Variants in TG observed in about 807,000 individuals in gnomAD.
The protein encoded by TG is thyroid hormones.
A neutral mutation model predicts 324.7 loss-of-function variants in TG; 270 were observed. The observed-to-expected ratio is 0.83, with a 90% CI of 0.75 to 0.92. TG has a LOEUF of 0.92. TG is among the 40% of genes least tolerant of loss of function. The pLI, the probability that TG is intolerant of heterozygous loss-of-function variation, is 0.00. For missense variants in TG, 3,591 were observed against 3,456.4 expected (o/e 1.04, Z -0.98); for synonymous variants, 1,401 against 1,327.0 (o/e 1.06, Z -1.21).
chr8:132,970,353 G>A (rs1458174286), intron 32 of TG, among the ~76,000 whole-genome samples: 1 of 152,056 alleles, frequency 6.6e-6, no homozygotes, highest in African/African-American at 2.4e-5. Flanking sequence ...GAATTCTAAT[G>A]GGTGAGATCC....
intron 34 of TG, among the ~76,000 whole-genome samples, chr8:132,980,758 AG>A (rs1214330654): frequency 3.3e-5 from 5 of 152,110 alleles, no homozygotes; most frequent in Non-Finnish European, 7.4e-5. Context: ...ACTGGTCCAG[AG>A]GGTTGAAGAA....
chr8:133,047,125 G>A (rs1009889162), intron 41 of TG: 4 of 152,250 alleles, frequency 2.6e-5, no homozygotes, highest in Non-Finnish European at 5.9e-5. Context: ...TAGAGAGAGA[G>A]AAGCAGTAAA....
intron 15 of TG, among the ~76,000 whole-genome samples, chr8:132,900,925 G>A (rs775169546): frequency 2.6e-5 from 4 of 152,136 alleles, no homozygotes; most frequent in African/African-American, 9.7e-5. Context: ...GCCTTCACGC[G>A]TTCTGGCTGT....
At chr8:132,877,001 C>T (rs1444439981) in intron 5 of TG, among the ~76,000 whole-genome samples, 1 of 152,194 alleles carries the variant, frequency 6.6e-6, no homozygotes, top group Non-Finnish European at 1.5e-5. Flanking sequence ...GGTAAAGGGG[C>T]ATTGTAACCA....
In TG at chr8:132,898,165, C is replaced by T. The variant is rs1404943552; in HGVS notation, c.3140-4C>T. ...TGAATGTTCTCCCCTTGGCTCTTTT[C>T]CAGGGCACTGCTGGTGTGTAGATGA... On this transcript the variant is annotated splice_region_variant and splice_polypyrimidine_tract_variant and intron_variant, in intron 12 of 47. Transcript: ENST00000220616. The T allele has an allele frequency of 6.3e-7, 1 of 1,598,354 alleles. No individual in the cohort carries two copies. The highest frequency in any genetic ancestry group is 1.1e-5 in the South Asian group (1 of 87,914).
intron 29 of TG, among the ~76,000 whole-genome samples, chr8:132,965,487 T>A (rs1217104118): frequency 6.6e-6 from 1 of 152,216 alleles, no homozygotes; most frequent in Non-Finnish European, 1.5e-5. Context: ...GTGCCCCTTA[T>A]ACAGAGCCCT....
rs193237588 is a variant in TG at position 133,107,549 on chromosome 8, G to A, written c.7573-5873G>A. Among the ~76,000 whole-genome samples the A allele has an allele frequency of 3.1e-3, 476 of 152,318 alleles. 4 individuals carry two copies. Among genetic ancestry groups the A allele is most frequent in the African/African-American group, 0.011 (460 of 41,586 alleles). ...TGACTCTCTAATTAAACTGGCAATG[G>A]CATCTGTGCTCGGGGCCTCGCCAAT... On this transcript the variant is annotated intron_variant, in intron 43 of 47. Coordinates refer to ENST00000220616, the MANE Select transcript of TG (RefSeq NM_003235.5).
At chr8:132,874,015 T>C (rs1254874835) in intron 5 of TG, among the ~76,000 whole-genome samples, 1 of 151,808 alleles carries the variant, frequency 6.6e-6, no homozygotes, top group African/African-American at 2.4e-5. Context: ...CTAAAAAAAA[T>C]ACAAAAATTA....
intron 35 of TG, chr8:133,002,311 A>G: frequency 4.1e-6 from 4 of 985,396 alleles, no homozygotes; most frequent in Non-Finnish European, 4.8e-6. Context: ...TTTTTAATGT[A>G]AATTATTTTA....
At chr8:133,115,899 G>T (rs1233079802) in intron 44 of TG, among the ~76,000 whole-genome samples, 1 of 152,172 alleles carries the variant, frequency 6.6e-6, no homozygotes. Flanking sequence ...ATATAACTTA[G>T]GGAGATTTCT....
At chr8:132,917,082 C>CTTCCTTCCTTCCTTCCTTCCTTCCTTCA (rs527581820) in intron 20 of TG, among the ~76,000 whole-genome samples, 2 of 109,748 alleles carry the variant, frequency 1.8e-5, no homozygotes, top group Non-Finnish European at 3.9e-5. Flanking sequence ...TCCTTCCTTC[C>CTTCCTTCCTTCCTTCCTTCCTTCCTTCA]TTCCCTTACT....
Position 132,886,843 on chromosome 8 carries a change from AC to A in TG, c.1472del (p.Thr491LysfsTer20). ...GTTTAACTTGTCTGGAGCCCTTGGC[AC>A]AAGAGGCACATTTAACTTCAGTCAA... ...GQFNLSGALG[T>X]RGTFNFSQFF... On this transcript the variant is annotated frameshift_variant, in exon 9 of 48. Transcript: ENST00000220616. LOFTEE classifies it high-confidence loss of function. 6.2e-7 allele frequency: 1 copy of A among 1,614,208 alleles called. No individual in the cohort carries two copies. Among genetic ancestry groups the A allele is most frequent in the Non-Finnish European group, 8.5e-7 (1 of 1,180,034 alleles).
At chr8:132,955,171 C>G (rs1826663239) in intron 27 of TG, among the ~76,000 whole-genome samples, 1 of 152,130 alleles carries the variant, frequency 6.6e-6, no homozygotes, top group Non-Finnish European at 1.5e-5. Context: ...TAATGGTCAT[C>G]TTTGGTGGCT....
At chr8:133,082,971 G>C (rs763049784) in intron 41 of TG, among the ~76,000 whole-genome samples, 2 of 152,158 alleles carry the variant, frequency 1.3e-5, no homozygotes, top group Non-Finnish European at 2.9e-5. Context: ...ATCTGTCAGC[G>C]CCTGCTTCCA....
chr8:133,051,567 G>T (rs906758578), intron 41 of TG, among the ~76,000 whole-genome samples: 1 of 152,142 alleles, frequency 6.6e-6, no homozygotes, highest in Non-Finnish European at 1.5e-5. Context: ...GAGGGTGGGG[G>T]TGGTGGAAGA....
chr8:133,021,252 A>C (rs956244682), intron 39 of TG, among the ~76,000 whole-genome samples: 11 of 152,226 alleles, frequency 7.2e-5, no homozygotes, highest in Non-Finnish European at 4.4e-5. Flanking sequence ...TAGTAAGTGC[A>C]TACTAAACTC....
At chr8:132,906,597 G>T in intron 16 of TG, 91 bp from the exon 17 acceptor site, 7 of 1,459,692 alleles carry the variant, frequency 4.8e-6, no homozygotes, top group Non-Finnish European at 6.6e-6. Context: ...AGGGCCCAGT[G>T]TGAGTGAGAA....
intron 41 of TG, among the ~76,000 whole-genome samples, chr8:133,041,017 TTC>T (rs1224360869): frequency 6.6e-6 from 1 of 152,240 alleles, no homozygotes; most frequent in East Asian, 1.9e-4. Context: ...CTTGGAAGGC[TTC>T]TCCCTAGCCC....
intron 20 of TG, among the ~76,000 whole-genome samples, chr8:132,914,182 C>T (rs1438230018): frequency 6.6e-6 from 1 of 152,184 alleles, no homozygotes; most frequent in African/African-American, 2.4e-5. Context: ...TTCCCTTTGC[C>T]ATGTAACCTA....
Sources: allele counts gnomAD v4.1 joint callset (sites outside exome capture counted in the v4.1 genomes callset), GRCh38; gene constraint gnomAD v4.1.1; transcripts MANE v1.5; gene names NCBI Gene and HGNC (gene_info 2026-07-23, HGNC 2026-07-21).